Variants in ERC1 observed in about 807,000 individuals in gnomAD.
The protein encoded by ERC1 is ELKS/RAB6-interacting/CAST family member 1.
A neutral mutation model predicts 132.0 loss-of-function variants in ERC1; 56 were observed. That is an observed-to-expected ratio of 0.42 (90% CI 0.34 to 0.53). ERC1 has a LOEUF of 0.53. Ranked by LOEUF, ERC1 falls within the 20% of genes least tolerant of loss-of-function variation. The pLI is 0.03. For synonymous variants in ERC1, 478 were observed against 476.1 expected (o/e 1.00, Z -0.05); for missense variants, 1,202 against 1,349.9 (o/e 0.89, Z 1.72).
chr12:1,095,827 G>T (rs1943950143), intron 3 of ERC1, among the ~76,000 whole-genome samples: 1 of 152,176 alleles, frequency 6.6e-6, no homozygotes, highest in African/African-American at 2.4e-5. Context: ...TTCTGAATGG[G>T]AGTTTGTTTT....
intron 15 of ERC1, among the ~76,000 whole-genome samples, chr12:1,296,592 T>C (rs938059395): frequency 6.6e-6 from 1 of 151,992 alleles, no homozygotes; most frequent in Non-Finnish European, 1.5e-5. Flanking sequence ...TTTGTATTTT[T>C]AGTAGAGGCG....
intron 16 of ERC1, among the ~76,000 whole-genome samples, chr12:1,403,163 G>A (rs1170050902): frequency 6.6e-6 from 1 of 152,126 alleles, no homozygotes; most frequent in South Asian, 2.1e-4. Context: ...TACATTGATA[G>A]CAAAGAAGTC....
intron 15 of ERC1, among the ~76,000 whole-genome samples, chr12:1,341,427 G>A (rs1025030735): frequency 1.4e-4 from 21 of 151,946 alleles, no homozygotes; most frequent in African/African-American, 4.4e-4. Context: ...GTCCATCAAC[G>A]ATAGACTGGA....
At chr12:1,488,925 G>A (rs916801354) in intron 18 of ERC1, among the ~76,000 whole-genome samples, 5 of 152,108 alleles carry the variant, frequency 3.3e-5, no homozygotes, top group African/African-American at 1.2e-4. Flanking sequence ...CCTGGGCTGC[G>A]AGCAGGAGCT....
At chr12:1,304,449 T>C (rs1172428304) in intron 15 of ERC1, among the ~76,000 whole-genome samples, 2 of 152,248 alleles carry the variant, frequency 1.3e-5, no homozygotes, top group African/African-American at 4.8e-5. Flanking sequence ...AGTGGGATTA[T>C]CGTTCTTGGC....
intron 18 of ERC1, among the ~76,000 whole-genome samples, chr12:1,488,455 G>A (rs1038756822): frequency 1.3e-5 from 2 of 152,158 alleles, no homozygotes; most frequent in Admixed American, 6.6e-5. Flanking sequence ...GGGAGGCCGA[G>A]GCAGAGGCGG....
At chr12:1,117,874 A>G (rs1946621992) in intron 7 of ERC1, among the ~76,000 whole-genome samples, 1 of 152,232 alleles carries the variant, frequency 6.6e-6, no homozygotes, top group Non-Finnish European at 1.5e-5. Flanking sequence ...AATTATAAAT[A>G]TGAAATCATC....
At chr12:1,223,401 G>A (rs2074320386) in intron 12 of ERC1, among the ~76,000 whole-genome samples, 2 of 152,210 alleles carry the variant, frequency 1.3e-5, no homozygotes, top group African/African-American at 2.4e-5. Context: ...TTAACATTGT[G>A]CATTTAGTGT....
At chr12:1,094,952 A>C (rs1360790828) in intron 3 of ERC1, among the ~76,000 whole-genome samples, 1 of 152,052 alleles carries the variant, frequency 6.6e-6, no homozygotes, top group Non-Finnish European at 1.5e-5. Flanking sequence ...CTGTGAAGGG[A>C]CTTCCCGAAC....
At chr12:1,125,201 A>C (rs541431393) in intron 7 of ERC1, among the ~76,000 whole-genome samples, 3 of 151,976 alleles carry the variant, frequency 2.0e-5, no homozygotes, top group Non-Finnish European at 4.4e-5. Context: ...TCACTGTGTT[A>C]GCCAGGCTGG....
intron 15 of ERC1, among the ~76,000 whole-genome samples, chr12:1,352,483 A>G (rs767654147): frequency 9.9e-5 from 15 of 152,238 alleles, no homozygotes; most frequent in Non-Finnish European, 2.1e-4. Context: ...GTCATCATGT[A>G]TAGTTTATGT....
intron 3 of ERC1, among the ~76,000 whole-genome samples, chr12:1,100,228 A>C (rs1234732587): frequency 6.6e-6 from 1 of 152,024 alleles, no homozygotes; most frequent in Non-Finnish European, 1.5e-5. Context: ...GAAAGGCCTT[A>C]AGTCAAGAGG....
chr12:1,077,587 C>T (rs1028692687), intron 2 of ERC1, among the ~76,000 whole-genome samples: 1 of 152,128 alleles, frequency 6.6e-6, no homozygotes, highest in Non-Finnish European at 1.5e-5. Flanking sequence ...CAAAATCAAG[C>T]TGAGTGTTAG....
chr12:1,360,893 A>T (rs1348990437), intron 15 of ERC1, among the ~76,000 whole-genome samples: 1 of 152,098 alleles, frequency 6.6e-6, no homozygotes, highest in Non-Finnish European at 1.5e-5. Flanking sequence ...CCTGGGCCAC[A>T]TGGTGAAACC....
chr12:1,288,918 A>T lies in ERC1; in HGVS notation c.2620-934A>T, dbSNP rs1280614992. 2.6e-5 allele frequency among the ~76,000 whole-genome samples: 4 copies of T among 152,060 alleles called. 1 individual carries two copies. The highest frequency in any genetic ancestry group is 2.6e-4 in the Admixed American group (4 of 15,270). On this transcript the variant is annotated intron_variant, in intron 14 of 18. Transcript: ENST00000360905. ...CCTGGAATAAGTGGAAATTACTGAT[A>T]AAGTACTTACCTTGCTCTCTTAGTT...
At chr12:1,364,383 A>C (rs1316763388) in intron 15 of ERC1, among the ~76,000 whole-genome samples, 1 of 152,204 alleles carries the variant, frequency 6.6e-6, no homozygotes, top group Non-Finnish European at 1.5e-5. Flanking sequence ...TACAAAATCA[A>C]ATCACTTCTC....
intron 3 of ERC1, among the ~76,000 whole-genome samples, chr12:1,095,930 A>G (rs918904072): frequency 2.8e-4 from 40 of 144,654 alleles, no homozygotes; most frequent in Non-Finnish European, 7.6e-5. Flanking sequence ...GCAGGGAAGG[A>G]TTTTTTTTTT....
At chr12:1,274,090 C>T (rs887201965) in intron 14 of ERC1, among the ~76,000 whole-genome samples, 3 of 152,108 alleles carry the variant, frequency 2.0e-5, no homozygotes, top group Admixed American at 6.5e-5. Context: ...AAAGTTATGA[C>T]GTGAGTGATG....
At chr12:1,157,695 CTTT>C (rs1337277935) in intron 8 of ERC1, among the ~76,000 whole-genome samples, 1 of 152,096 alleles carries the variant, frequency 6.6e-6, no homozygotes. Flanking sequence ...GAACTTGTTA[CTTT>C]TTTTATTGAA....
Sources: allele counts gnomAD v4.1 joint callset (sites outside exome capture counted in the v4.1 genomes callset), GRCh38; gene constraint gnomAD v4.1.1; transcripts MANE v1.5; gene names NCBI Gene and HGNC (gene_info 2026-07-23, HGNC 2026-07-21).